The following PRKCE variants were observed in gnomAD, a reference collection of about 807,000 sequenced individuals.
PRKCE encodes the protein protein kinase C epsilon type.
A neutral mutation model predicts 85.4 loss-of-function variants in PRKCE; 16 were observed. The observed-to-expected ratio is 0.19, with a 90% CI of 0.13 to 0.28. The LOEUF (loss-of-function observed/expected upper bound fraction) is 0.28. Ranked by LOEUF, PRKCE falls within the 10% of genes least tolerant of loss-of-function variation. The probability of loss-of-function intolerance (pLI) is 1.00; values close to 1 mark genes in which losing one functional copy is unlikely to be tolerated. For missense variants in PRKCE, 573 were observed against 975.2 expected, an observed-to-expected ratio of 0.59 and a Z score of 5.49; for synonymous variants, 388 against 371.5, an observed-to-expected ratio of 1.04 and a Z score of -0.51.
chr2:45,661,197 A>C (rs1286285078), intron 1 of PRKCE, among the ~76,000 whole-genome samples: 1 of 152,128 alleles, frequency 6.6e-6, no homozygotes, highest in Non-Finnish European at 1.5e-5. Context: ...GTTTTTTAAA[A>C]TTTGAGATGG....
intron 2 of PRKCE, among the ~76,000 whole-genome samples, chr2:45,975,184 C>T (rs1253512272): frequency 7.2e-5 from 11 of 152,162 alleles, no homozygotes; most frequent in Non-Finnish European, 8.8e-5. Flanking sequence ...CAGTACCCTT[C>T]AAGTGGAGTT....
chr2:46,181,151 A>G (rs1344992221), intron 14 of PRKCE, among the ~76,000 whole-genome samples: 3 of 152,204 alleles, frequency 2.0e-5, no homozygotes, highest in African/African-American at 7.2e-5. Flanking sequence ...CTTTTCAAAG[A>G]ATAAAATCAG....
At chr2:46,124,258 T>C (rs981780159) in intron 11 of PRKCE, among the ~76,000 whole-genome samples, 3 of 152,034 alleles carry the variant, frequency 2.0e-5, no homozygotes, top group African/African-American at 7.2e-5. Context: ...CCAGGAGGTG[T>C]AGGTTGCAGT....
intron 2 of PRKCE, among the ~76,000 whole-genome samples, chr2:45,960,414 G>A (rs547538636): frequency 6.6e-6 from 1 of 152,208 alleles, no homozygotes; most frequent in Admixed American, 6.5e-5. Flanking sequence ...TGGTACCAGG[G>A]ACTGGTTTCA....
intron 10 of PRKCE, among the ~76,000 whole-genome samples, chr2:46,044,888 C>A (rs970792824): frequency 3.3e-5 from 5 of 152,206 alleles, no homozygotes; most frequent in African/African-American, 1.2e-4. Context: ...GGGAAGGCTT[C>A]ACTCCACGTG....
chr2:46,105,808 T>G (rs1321755226), intron 11 of PRKCE, among the ~76,000 whole-genome samples: 1 of 152,230 alleles, frequency 6.6e-6, no homozygotes, highest in Non-Finnish European at 1.5e-5. Flanking sequence ...TACAAAATTA[T>G]TATACTAATA....
rs1289792280 is a variant in PRKCE at position 45,845,374 on chromosome 2, TA to T, written c.412+2312del. The T allele has an allele frequency of 1.0e-4, 8 of 77,542 alleles. No individual in the cohort carries two copies. The South Asian group carries it at 2.2e-3, about 22-fold the overall frequency. 4.8% of individuals were successfully genotyped at this position (77,542 alleles called of 1,614,324 possible). A position where few individuals can be genotyped will look rare whatever the true frequency, so the allele number is the denominator to read the frequency against. On this transcript the variant is annotated intron_variant, in intron 2 of 14. Coordinates refer to ENST00000306156, the MANE Select transcript of PRKCE (RefSeq NM_005400.3). ...CTGGATTTACAGACTGTGGACTAAG[TA>T]TTTTTTTTTTTTTTTTTAGTGAAAA... is the stretch of plus-strand genomic sequence containing the variant.
At chr2:46,023,110 A>AAAAAAAAAAC (rs1558972435) in intron 10 of PRKCE, among the ~76,000 whole-genome samples, 1 of 150,486 alleles carries the variant, frequency 6.6e-6, no homozygotes, top group South Asian at 2.1e-4. Flanking sequence ...AAAAAAAAAA[A>AAAAAAAAAAC]TCATCTATAT....
At chr2:45,944,782 A>C (rs558014504) in intron 2 of PRKCE, among the ~76,000 whole-genome samples, 2 of 149,774 alleles carry the variant, frequency 1.3e-5, no homozygotes, top group African/African-American at 4.9e-5. Context: ...GATTACAGGC[A>C]TGAGCCACTG....
chr2:46,031,349 G>T (rs930609120), intron 10 of PRKCE, among the ~76,000 whole-genome samples: 4 of 152,122 alleles, frequency 2.6e-5, no homozygotes, highest in African/African-American at 9.7e-5. Context: ...TGCCTGAGAT[G>T]CCCCAGCCAT....
In PRKCE at chr2:45,757,113, A is replaced by G. The variant is rs567359671; in HGVS notation, c.349-85887A>G. On this transcript the variant is annotated intron_variant, in intron 1 of 14. Coordinates refer to ENST00000306156, the MANE Select transcript of PRKCE (RefSeq NM_005400.3). ...TCCAAATACAAAAATTAGCCAGGCT[A>G]ATTTAGAGACAGGTGAGACACCTGT... Among the ~76,000 whole-genome samples the G allele has an allele frequency of 5.3e-5, 8 of 151,940 alleles. No homozygotes were observed. In the South Asian group the frequency reaches 1.7e-3, roughly 32 times the overall value.
In PRKCE at chr2:46,001,545, A is replaced by G; in HGVS notation, c.965A>G (p.Lys322Arg). Reference sequence around the variant, plus strand: ...ACCAACAGCGGCCAGAGAAGGAAAAAGGTAACTGGCTGTTTGGTGGTGTTG... The same window carrying G: ...ACCAACAGCGGCCAGAGAAGGAAAAGGGTAACTGGCTGTTTGGTGGTGTTG... ...KITNSGQRRK[K>R]LIAGAESPQP... Residue 322 changes from lysine (K) to arginine (R), a missense_variant and splice_region_variant, in exon 7 of 15, where the codon AAG becomes AGG. Lys to Arg is a conservative substitution (Grantham distance 26). Around this residue, in one of 11 missense-constraint regions of PRKCE, gnomAD observed 55 missense variants for 128.1 expected, o/e 0.43. Coordinates refer to ENST00000306156, the MANE Select transcript of PRKCE (RefSeq NM_005400.3). This position sits in a 1 kb window ranked among gnomAD's most constrained non-coding sequence, Gnocchi z 4.4. 1.3e-6 allele frequency: 2 copies of G among 1,598,058 alleles called. No homozygotes were observed. Among genetic ancestry groups the G allele is most frequent in the Middle Eastern group, 1.7e-4 (1 of 6,046 alleles).
At chr2:45,919,517 C>G (rs1285287826) in intron 2 of PRKCE, among the ~76,000 whole-genome samples, 1 of 152,240 alleles carries the variant, frequency 6.6e-6, no homozygotes, top group African/African-American at 2.4e-5. Flanking sequence ...TCCTCCTGCA[C>G]CCCTCTTCCA....
chr2:45,808,546 A>G (rs760853375), intron 1 of PRKCE, among the ~76,000 whole-genome samples: 7 of 152,164 alleles, frequency 4.6e-5, no homozygotes, highest in Admixed American at 2.0e-4. Context: ...GAGAATGCCA[A>G]AGTCACTGAT....
intron 8 of PRKCE, among the ~76,000 whole-genome samples, chr2:46,005,603 A>G (rs545929768): frequency 2.4e-3 from 363 of 152,224 alleles, no homozygotes; most frequent in African/African-American, 8.1e-3. Context: ...GACTGTACCC[A>G]TGCTGGCTGA....
chr2:45,937,346 T>A (rs1457439144), intron 2 of PRKCE, among the ~76,000 whole-genome samples: 2 of 152,240 alleles, frequency 1.3e-5, no homozygotes, highest in Non-Finnish European at 2.9e-5. Flanking sequence ...GAGGGTGACC[T>A]GAGCCACGAT....
At chr2:45,968,775 C>T (rs1050312966) in intron 2 of PRKCE, among the ~76,000 whole-genome samples, 13 of 151,890 alleles carry the variant, frequency 8.6e-5, no homozygotes, top group Admixed American at 3.9e-4. Context: ...TGGGAGGAGA[C>T]GTGGTGGGTA....
intron 1 of PRKCE, among the ~76,000 whole-genome samples, chr2:45,790,639 C>G (rs1686962272): frequency 1.3e-5 from 2 of 152,274 alleles, no homozygotes; most frequent in South Asian, 4.1e-4. Flanking sequence ...AGTATTTACA[C>G]ACATTCTGGC....
chr2:46,161,853 C>G (rs1228854863), intron 14 of PRKCE, among the ~76,000 whole-genome samples: 1 of 152,118 alleles, frequency 6.6e-6, no homozygotes, highest in East Asian at 1.9e-4. Flanking sequence ...GGACTCCCAA[C>G]TTTTAGTTTG....
Sources: gnomAD v4.1 joint callset for allele counts (sites outside exome capture counted in the v4.1 genomes callset) on GRCh38, gnomAD v4.1.1 for gene constraint, gnomAD v4.1.1 regional missense constraint, Gnocchi (gnomAD v3.1) non-coding constraint, MANE v1.5 for transcripts, NCBI Gene and HGNC (gene_info 2026-07-23, HGNC 2026-07-21) for gene names.